Variants in FRY observed in about 807,000 individuals in gnomAD.
FRY encodes the protein FRY microtubule binding protein, also known as protein furry homolog.
FRY carries 128 observed loss-of-function variants against 348.4 expected under a neutral mutation model. That is an observed-to-expected ratio of 0.37 (90% confidence interval 0.32 to 0.43). FRY has a LOEUF of 0.43. FRY is among the 20% of genes least tolerant of loss of function. The pLI is 1.00. For synonymous variants in FRY, 1,370 were observed against 1,374.7 expected, an observed-to-expected ratio of 1.00 and a Z score of 0.08; for missense variants, 2,736 against 3,695.2, an observed-to-expected ratio of 0.74 and a Z score of 6.73.
chr13:32,109,663 G>T (rs558410188), intron 3 of FRY, among the ~76,000 whole-genome samples: 4 of 152,152 alleles, frequency 2.6e-5, no homozygotes, highest in South Asian at 2.1e-4. Flanking sequence ...CGTGCTGAGG[G>T]GTCTAGATTA....
intron 1 of FRY, among the ~76,000 whole-genome samples, chr13:32,069,268 G>C (rs1159296523): frequency 6.6e-6 from 1 of 152,098 alleles, no homozygotes; most frequent in African/African-American, 2.4e-5. Flanking sequence ...CCCTCTAACG[G>C]CTAAAAAGTG....
intron 40 of FRY, among the ~76,000 whole-genome samples, chr13:32,230,509 T>C (rs1211865107): frequency 1.3e-5 from 2 of 152,230 alleles, no homozygotes; most frequent in African/African-American, 4.8e-5. Flanking sequence ...TGTACATTTT[T>C]ATGGTGGCAC....
chr13:32,045,991 T>A (rs950034453), intron 1 of FRY, among the ~76,000 whole-genome samples: 1 of 152,108 alleles, frequency 6.6e-6, no homozygotes, highest in African/African-American at 2.4e-5. Context: ...GTGTACACAC[T>A]CCAGTGATGG....
intron 2 of FRY, among the ~76,000 whole-genome samples, chr13:32,088,753 A>G (rs188509273): frequency 8.5e-4 from 130 of 152,344 alleles, no homozygotes; most frequent in African/African-American, 3.1e-3. Context: ...TTTTACTTCA[A>G]TTTAATAGTA....
intron 1 of FRY, among the ~76,000 whole-genome samples, chr13:32,039,421 G>A (rs1872665549): frequency 6.6e-6 from 1 of 151,834 alleles, no homozygotes; most frequent in Admixed American, 6.6e-5. Flanking sequence ...AAAATACTTG[G>A]GTGATTACAG....
chr13:32,119,900 G>A (rs1004702865), intron 4 of FRY, among the ~76,000 whole-genome samples: 4 of 152,162 alleles, frequency 2.6e-5, no homozygotes, highest in Non-Finnish European at 5.9e-5. Flanking sequence ...AGATAAACAT[G>A]CAAGTTCCTT....
At chr13:32,277,964 G>A (rs751242047) in intron 57 of FRY, among the ~76,000 whole-genome samples, 2 of 152,202 alleles carry the variant, frequency 1.3e-5, no homozygotes, top group Non-Finnish European at 2.9e-5. Flanking sequence ...CTTAAGACTA[G>A]CAGGATCTCT....
At chr13:32,096,946 A>G (rs1876771001) in intron 2 of FRY, among the ~76,000 whole-genome samples, 1 of 151,632 alleles carries the variant, frequency 6.6e-6, no homozygotes, top group African/African-American at 2.4e-5. Context: ...GCAACAACTT[A>G]TATATATATA....
At chr13:32,294,218 A>G (rs549894280) in intron 59 of FRY, 150 bp from the exon 60 acceptor site, 4 of 648,854 alleles carry the variant, frequency 6.2e-6, no homozygotes, top group East Asian at 5.4e-5. Context: ...TACACATACC[A>G]TGGAGTACAA....
chr13:32,108,083 G>C (rs1274955582), intron 3 of FRY, among the ~76,000 whole-genome samples: 2 of 152,136 alleles, frequency 1.3e-5, no homozygotes, highest in Non-Finnish European at 2.9e-5. Context: ...GTAAGAATGT[G>C]GTCCCCAGGC....
At chr13:32,064,986 A>G (rs1387057616) in intron 1 of FRY, among the ~76,000 whole-genome samples, 1 of 152,236 alleles carries the variant, frequency 6.6e-6, no homozygotes, top group Non-Finnish European at 1.5e-5. Context: ...TCAGGCCAAC[A>G]TTCAGTTATG....
chr13:32,274,617 T>C (rs544040446), intron 55 of FRY, among the ~76,000 whole-genome samples: 35 of 137,620 alleles, frequency 2.5e-4, no homozygotes, highest in East Asian at 1.3e-3. Flanking sequence ...GGCAGGAGAA[T>C]GGCGTGAACC....
Position 32,294,450 on chromosome 13 carries a change from AT to A in FRY, c.8665del (p.Ser2889GlnfsTer24). The part of the protein sequence containing the change: ...ASAVIAADPL[Y>X]SDGAWSEPTF... ...GCAGTCATTGCAGCTGACCCTCTCT[AT>A]TCAGACGGCGCGTGGTCCGAGCCCA... On this transcript the variant is annotated frameshift_variant, in exon 60 of 61. Transcript: ENST00000542859. LOFTEE classifies it high-confidence loss of function. 6.2e-7 allele frequency: 1 copy of A among 1,614,100 alleles called. No homozygotes were observed. Among genetic ancestry groups the A allele is most frequent in the Non-Finnish European group, 8.5e-7 (1 of 1,179,938 alleles).
chr13:32,148,658 G>A (rs1880607854), intron 13 of FRY, among the ~76,000 whole-genome samples: 1 of 152,146 alleles, frequency 6.6e-6, no homozygotes, highest in Non-Finnish European at 1.5e-5. Flanking sequence ...CCTTAAACAA[G>A]TCAGAGAACA....
chr13:32,172,074 G>A (rs1312759505), intron 18 of FRY, among the ~76,000 whole-genome samples: 2 of 151,986 alleles, frequency 1.3e-5, no homozygotes, highest in Non-Finnish European at 2.9e-5. Flanking sequence ...AGGTGTGGGT[G>A]TGGATGTAGA....
chr13:32,124,802 G>T lies in FRY; in HGVS notation c.643G>T (p.Gly215Cys), dbSNP rs753612183. The stretch of plus-strand genomic sequence containing the variant: ...TAATTATACCCTACTTAGGTACCTT[G>T]GTCCCAACACTGGCAATATGCATAT... ...KHFKYKEGYL[G>C]PNTGNMHIVA... Residue 215 changes from glycine to cysteine, a missense_variant, in exon 7 of 61, where the codon GGT becomes TGT. Gly to Cys is a radical substitution (Grantham distance 159, BLOSUM62 -3). Transcript: ENST00000542859. 1.2e-6 allele frequency: 2 copies of T among 1,610,504 alleles called. No individual in the cohort carries two copies. The highest frequency in any genetic ancestry group is 3.3e-5 in the Admixed American group (2 of 60,008).
intron 11 of FRY, among the ~76,000 whole-genome samples, chr13:32,146,184 T>C (rs1160778646): frequency 1.8e-4 from 10 of 55,198 alleles, no homozygotes; most frequent in Admixed American, 8.7e-4. Context: ...TCCCACCATT[T>C]TTTTTTTTTT....
At chr13:32,221,840 A>T (rs1885331720) in intron 36 of FRY, among the ~76,000 whole-genome samples, 1 of 152,168 alleles carries the variant, frequency 6.6e-6, no homozygotes, top group Non-Finnish European at 1.5e-5. Context: ...TAATATTGTG[A>T]CGTTCATTCA....
chr13:32,208,581 C>G (rs928707273), intron 31 of FRY, among the ~76,000 whole-genome samples: 2 of 152,182 alleles, frequency 1.3e-5, no homozygotes, highest in Non-Finnish European at 2.9e-5. Flanking sequence ...TATACATCTT[C>G]CGCTAGCAGT....
Sources: gnomAD v4.1 joint callset for allele counts (sites outside exome capture counted in the v4.1 genomes callset) on GRCh38, gnomAD v4.1.1 for gene constraint, MANE v1.5 for transcripts, NCBI Gene and HGNC (gene_info 2026-07-23, HGNC 2026-07-21) for gene names.